The following CUBN variants were observed in gnomAD, a reference collection of about 807,000 sequenced individuals.
The protein encoded by CUBN is cubilin, also known as 460 kDa receptor.
Under a neutral mutation model 405.3 loss-of-function variants are expected in CUBN, and 282 were observed. That is an observed-to-expected ratio of 0.70 (90% CI 0.63 to 0.77). CUBN has a LOEUF of 0.77. CUBN is among the 30% of genes least tolerant of loss of function. CUBN has a pLI of 0.00. For missense variants in CUBN, 4,514 were observed against 4,475.2 expected (o/e 1.01, Z -0.25); for synonymous variants, 1,684 against 1,617.0 (o/e 1.04, Z -0.99).
chr10:17,071,925 G>A lies in CUBN; in HGVS notation c.2348C>T (p.Thr783Ile). The change falls in exon 18 of 67, where the codon ACC (threonine) becomes ATC (isoleucine). Residue 783 changes from threonine to isoleucine, a missense_variant. Coordinates refer to ENST00000377833, the MANE Select transcript of CUBN (RefSeq NM_001081.4). The part of the protein sequence containing the change: ...TLLGKVCGNG[T>I]ISHIKSITNS... ...AGTAATGGATTTAATGTGAGAGATG[G>A]TTCCGTTGCCACAGACTTTTCCAAG... 1 of 1,613,106 alleles carries A rather than the reference G, an allele frequency of 6.2e-7. No homozygotes were observed. The highest frequency in any genetic ancestry group is 8.5e-7 in the Non-Finnish European group (1 of 1,179,592).
intron 59 of CUBN, among the ~76,000 whole-genome samples, chr10:16,855,604 T>C (rs1839847771): frequency 6.6e-6 from 1 of 152,130 alleles, no homozygotes; most frequent in Non-Finnish European, 1.5e-5. Context: ...GACCCATAAG[T>C]GATAAAAACA....
Position 16,973,620 on chromosome 10 carries a change from T to G in CUBN, c.4695+8864A>C, listed in dbSNP as rs530827309. Among the ~76,000 whole-genome samples, 19 of 151,954 alleles carry G rather than the reference T, an allele frequency of 1.3e-4. No homozygotes were observed. The East Asian group carries it at 3.1e-3, about 25-fold the overall frequency. On this transcript the variant is annotated intron_variant, in intron 31 of 66. Transcript: ENST00000377833. ...ATGAGCAAAGAACGTGATGGGTGGT[T>G]TTCAACTTGCTCCCTCCTCCCAGCT...
At chr10:16,875,739 A>T (rs553212305) in intron 57 of CUBN, among the ~76,000 whole-genome samples, 1 of 152,324 alleles carries the variant, frequency 6.6e-6, no homozygotes, top group South Asian at 2.1e-4. Flanking sequence ...TCTTCACATC[A>T]ACGACACTCT....
chr10:17,117,340 A>C (rs1357685948), intron 6 of CUBN, among the ~76,000 whole-genome samples: 1 of 152,014 alleles, frequency 6.6e-6, no homozygotes, highest in African/African-American at 2.4e-5. Context: ...ACCTGTCCCA[A>C]CACCTCCCAA....
chr10:16,840,392 C>T lies in CUBN; in HGVS notation c.9970G>A (p.Ala3324Thr), dbSNP rs774965250. The T allele has an allele frequency of 1.9e-6, 3 of 1,614,088 alleles. No individual in the cohort carries two copies. In the African/African-American group the frequency reaches 4.0e-5, roughly 22 times the overall value. ...PHQQVKITVW[A>T]LQLTSQDCTQ... The stretch of plus-strand genomic sequence containing the variant: ...CAGTCTTGCGAGGTCAGCTGTAATG[C>T]CCACACAGTTATCTTGACCTGCTGA... The change falls in exon 62 of 67, where the codon GCA (alanine) becomes ACA (threonine). Residue 3324 changes from alanine to threonine, a missense_variant. Ala to Thr is a moderately conservative substitution (Grantham distance 58). This residue lies in a region of CUBN where 1,186 missense variants were observed against 1,186.9 expected (regional missense o/e 1.00). Coordinates refer to ENST00000377833, the MANE Select transcript of CUBN (RefSeq NM_001081.4).
chr10:17,030,835 T>C (rs567794947), intron 27 of CUBN, among the ~76,000 whole-genome samples: 7 of 152,010 alleles, frequency 4.6e-5, no homozygotes, highest in South Asian at 2.1e-4. Context: ...AGGAGAATCA[T>C]TGGAACCCGG....
At chr10:16,882,319 C>T (rs1297907672) in intron 56 of CUBN, among the ~76,000 whole-genome samples, 1 of 152,230 alleles carries the variant, frequency 6.6e-6, no homozygotes, top group African/African-American at 2.4e-5. Context: ...CTACTGAAAT[C>T]TCTGAGCTGC....
intron 17 of CUBN, among the ~76,000 whole-genome samples, chr10:17,083,516 A>AATAAATACATACATAC (rs59957943): frequency 0.033 from 4,760 of 142,620 alleles, 120 homozygotes; most frequent in Middle Eastern, 0.056. Context: ...AAAATAAATA[A>AATAAATACATACATAC]ATACATACAT....
At chr10:17,073,797 G>C (rs12249100) in intron 17 of CUBN, among the ~76,000 whole-genome samples, 3,858 of 152,174 alleles carry the variant, frequency 0.025, 163 homozygotes, top group African/African-American at 0.087. Flanking sequence ...TATGGACTTG[G>C]GTTCAAAACC....
intron 27 of CUBN, among the ~76,000 whole-genome samples, chr10:17,040,415 A>G (rs140678235): frequency 6.6e-6 from 1 of 152,314 alleles, no homozygotes; most frequent in Non-Finnish European, 1.5e-5. Context: ...AAAGTTACAT[A>G]TGCAAGTTAT....
chr10:16,994,378 T>C (rs1162502052), intron 28 of CUBN, among the ~76,000 whole-genome samples: 1 of 152,192 alleles, frequency 6.6e-6, no homozygotes, highest in Non-Finnish European at 1.5e-5. Context: ...TTACTAAGAG[T>C]AATTTCAATA....
Position 16,906,208 on chromosome 10 carries a change from C to T in CUBN, c.7907G>A (p.Arg2636Gln), listed in dbSNP as rs752188672. The T allele has an allele frequency of 9.9e-6, 16 of 1,611,116 alleles. No individual in the cohort carries two copies. The highest frequency in any genetic ancestry group is 1.3e-5 in the African/African-American group (1 of 74,838). ...QDCQFDVLEF[R>Q]VGDADGPLMW... ...CATTCTTAGATAGAACTCACCCACT[C>T]GAAACTCGAGGACATCAAATTGACA... The change falls in exon 50 of 67, where the codon CGA (arginine) becomes CAA (glutamine). Residue 2636 changes from arginine (R) to glutamine (Q), a missense_variant. Arg to Gln is a conservative substitution (Grantham distance 43, BLOSUM62 1). Coordinates refer to ENST00000377833, the MANE Select transcript of CUBN (RefSeq NM_001081.4).
At chr10:17,014,060 C>T (rs992183001) in intron 28 of CUBN, among the ~76,000 whole-genome samples, 1 of 152,162 alleles carries the variant, frequency 6.6e-6, no homozygotes, top group Non-Finnish European at 1.5e-5. Flanking sequence ...CACCTGGTAT[C>T]TAAGTAGGCG....
intron 60 of CUBN, among the ~76,000 whole-genome samples, chr10:16,849,845 C>G (rs1352941829): frequency 6.6e-6 from 1 of 152,166 alleles, no homozygotes; most frequent in African/African-American, 2.4e-5. Context: ...CTAGCTACTG[C>G]TGTTGTCACC....
chr10:16,914,835 G>T (rs907696469), intron 47 of CUBN, among the ~76,000 whole-genome samples, 197 bp downstream of exon 47: 2 of 152,008 alleles, frequency 1.3e-5, no homozygotes, highest in African/African-American at 4.8e-5. Flanking sequence ...TATCTCTCTC[G>T]TGATACTAGT....
At chr10:16,955,286 T>C (rs568602390) in intron 31 of CUBN, among the ~76,000 whole-genome samples, 7 of 146,580 alleles carry the variant, frequency 4.8e-5, no homozygotes, top group Non-Finnish European at 1.0e-4. Flanking sequence ...GGCAGGAGAA[T>C]TGCTTGAACC....
intron 31 of CUBN, among the ~76,000 whole-genome samples, chr10:16,969,217 G>C (rs1182593196): frequency 6.6e-6 from 1 of 151,272 alleles, no homozygotes; most frequent in Non-Finnish European, 1.5e-5. Flanking sequence ...ACTGAGCATT[G>C]CAGGAGCAGA....
intron 39 of CUBN, among the ~76,000 whole-genome samples, chr10:16,936,069 C>T (rs1588497105): frequency 6.6e-6 from 1 of 151,984 alleles, no homozygotes; most frequent in Non-Finnish European, 1.5e-5. Context: ...TGACCCCTTA[C>T]TTTCCTTTTT....
chr10:16,829,011 C>T lies in CUBN; in HGVS notation c.10558G>A (p.Gly3520Ser). The change falls in exon 66 of 67, where the codon GGC becomes AGC. Residue 3520 changes from glycine to serine, a missense_variant. Physicochemically the swap from Gly to Ser is moderately conservative, Grantham distance 56. Transcript: ENST00000377833. ...GCGGTLYGDR[G>S]SFTSPGYPGT... ...GGATAGCCGGGGCTGGTGAATGAGC[C>T]TCTGTCTCCATAAAGAGTTCCACCA... 2 of 1,614,120 alleles carry T rather than the reference C, an allele frequency of 1.2e-6. No individual in the cohort carries two copies. Among genetic ancestry groups the T allele is most frequent in the African/African-American group, 1.3e-5 (1 of 75,030 alleles).
Sources: allele counts gnomAD v4.1 joint callset (sites outside exome capture counted in the v4.1 genomes callset), GRCh38; gene constraint gnomAD v4.1.1; regional missense constraint gnomAD v4.1.1; transcripts MANE v1.5; gene names NCBI Gene and HGNC (gene_info 2026-07-23, HGNC 2026-07-21).